Variants in TENM3 observed in about 807,000 individuals in gnomAD.
TENM3 encodes teneurin transmembrane protein 3.
In TENM3, 63 loss-of-function variants were observed where a neutral mutation model predicts 255.1. The ratio of observed to expected loss-of-function variants is 0.25; its 90% CI spans 0.20 to 0.30. The LOEUF (loss-of-function observed/expected upper bound fraction) is 0.30. TENM3 is among the 10% of genes least tolerant of loss of function. TENM3 has a pLI of 1.00. For synonymous variants in TENM3, 1,306 were observed against 1,322.3 expected (o/e 0.99, Z 0.27); for missense variants, 2,929 against 3,461.1 (o/e 0.85, Z 3.86).
chr4:181,959,202 C>A, the TENM3 span, among the ~76,000 whole-genome samples: 1 of 152,162 alleles, frequency 6.6e-6, no homozygotes, highest in Admixed American at 6.5e-5. Context: ...TTCTTCAACT[C>A]CTCATCTAAA....
the TENM3 span, among the ~76,000 whole-genome samples, chr4:181,889,251 G>A: frequency 2.0e-5 from 3 of 152,036 alleles, no homozygotes; most frequent in East Asian, 5.8e-4. Context: ...GTGCGTTCAC[G>A]TGGGACCTGG....
At chr4:181,910,366 A>G in the TENM3 span, among the ~76,000 whole-genome samples, 2 of 151,708 alleles carry the variant, frequency 1.3e-5, no homozygotes, top group Non-Finnish European at 2.9e-5. Flanking sequence ...GGAGTTCAAG[A>G]CCAGCCTGGC....
At chr4:182,752,465 GA>G (rs1762442518) in intron 20 of TENM3, among the ~76,000 whole-genome samples, 1 of 152,104 alleles carries the variant, frequency 6.6e-6, no homozygotes, top group African/African-American at 2.4e-5. Flanking sequence ...GGAGAGCTGT[GA>G]AACTTTTGTT....
At chr4:181,943,982 A>G in the TENM3 span, among the ~76,000 whole-genome samples, 1 of 152,160 alleles carries the variant, frequency 6.6e-6, no homozygotes. Flanking sequence ...TGTGTCTCTC[A>G]TGCTCACTAA....
At chr4:182,404,238 T>A (rs1471798521) in intron 3 of TENM3, among the ~76,000 whole-genome samples, 1 of 152,204 alleles carries the variant, frequency 6.6e-6, no homozygotes, top group East Asian at 1.9e-4. Context: ...AAATATAAAG[T>A]TCTTAACAGT....
intron 19 of TENM3, among the ~76,000 whole-genome samples, chr4:182,751,388 C>T (rs1762362541): frequency 6.6e-6 from 1 of 152,204 alleles, no homozygotes. Context: ...TTGTACTTCA[C>T]TGGAGAATTT....
At chr4:182,031,068 T>C in the TENM3 span, among the ~76,000 whole-genome samples, 3 of 152,222 alleles carry the variant, frequency 2.0e-5, no homozygotes, top group Non-Finnish European at 4.4e-5. Context: ...TTAGATTGCA[T>C]TTGTCAATTT....
At chr4:182,176,347 T>A (rs77712942) in intron 1 of TENM3, among the ~76,000 whole-genome samples, 324 of 152,318 alleles carry the variant, frequency 2.1e-3, no homozygotes, top group African/African-American at 6.7e-3. Flanking sequence ...TCTGTGTGAT[T>A]CAGTGTCACT....
At chr4:181,800,310 TAC>T in the TENM3 span, among the ~76,000 whole-genome samples, 4 of 151,794 alleles carry the variant, frequency 2.6e-5, no homozygotes, top group African/African-American at 7.3e-5. Context: ...CCAACCAGAG[TAC>T]ACACTGGACA....
chr4:182,354,492 C>T (rs1026639576), intron 3 of TENM3, among the ~76,000 whole-genome samples: 5 of 152,094 alleles, frequency 3.3e-5, no homozygotes, highest in Non-Finnish European at 5.9e-5. Context: ...ATTTGCCATT[C>T]CGTGAGCACT....
chr4:181,458,961 C>G, the TENM3 span, among the ~76,000 whole-genome samples: 2 of 151,846 alleles, frequency 1.3e-5, no homozygotes, highest in African/African-American at 4.8e-5. Flanking sequence ...CATACTTACC[C>G]TTAAGAAACT....
the TENM3 span, among the ~76,000 whole-genome samples, chr4:181,519,796 A>C: frequency 6.6e-6 from 1 of 152,196 alleles, no homozygotes; most frequent in Non-Finnish European, 1.5e-5. Flanking sequence ...GTTGAATTTC[A>C]GTGTCAGTGC....
chr4:182,717,560 T>C (rs1759308361), intron 13 of TENM3, among the ~76,000 whole-genome samples: 1 of 152,158 alleles, frequency 6.6e-6, no homozygotes, highest in African/African-American at 2.4e-5. Context: ...AGGTACCAAA[T>C]AGAGGCTTTG....
the TENM3 span, among the ~76,000 whole-genome samples, chr4:182,037,341 T>A: frequency 6.6e-6 from 1 of 151,972 alleles, no homozygotes; most frequent in Admixed American, 6.5e-5. Context: ...TAGAGACGGG[T>A]TTCACCAGGT....
the TENM3 span, among the ~76,000 whole-genome samples, chr4:181,583,324 C>T: frequency 6.6e-6 from 1 of 152,098 alleles, no homozygotes; most frequent in Non-Finnish European, 1.5e-5. Context: ...AGGGAGCTGG[C>T]TATGATTTGT....
At chr4:182,650,245 C>T (rs866099215) in intron 5 of TENM3, among the ~76,000 whole-genome samples, 30 of 150,250 alleles carry the variant, frequency 2.0e-4, no homozygotes, top group African/African-American at 6.5e-4. Context: ...TCACTCCTGG[C>T]TTGTACGTCT....
At chr4:182,541,974 G>A (rs1235055497) in intron 3 of TENM3, among the ~76,000 whole-genome samples, 1 of 152,026 alleles carries the variant, frequency 6.6e-6, no homozygotes, top group Non-Finnish European at 1.5e-5. Context: ...AAGGTGGGAG[G>A]ATCGCTTGAG....
chr4:182,745,875 TG>T (rs759092892), intron 19 of TENM3, among the ~76,000 whole-genome samples: 1 of 152,178 alleles, frequency 6.6e-6, no homozygotes, highest in Non-Finnish European at 1.5e-5. Flanking sequence ...AAATTCATTT[TG>T]TACTAACTCC....
the TENM3 span, among the ~76,000 whole-genome samples, chr4:181,537,416 T>C: frequency 2.0e-5 from 3 of 152,124 alleles, no homozygotes; most frequent in African/African-American, 7.2e-5. Context: ...TGGGTCCTTG[T>C]AAAAACCATG....
Sources: allele counts gnomAD v4.1 joint callset (sites outside exome capture counted in the v4.1 genomes callset), GRCh38; gene constraint gnomAD v4.1.1; transcripts MANE v1.5; gene names NCBI Gene and HGNC (gene_info 2026-07-23, HGNC 2026-07-21).